The following PCDHGA4 variants were observed in gnomAD, a reference collection of about 807,000 sequenced individuals.
PCDHGA4 encodes protocadherin gamma subfamily A, 4.
A neutral mutation model predicts 54.6 loss-of-function variants in PCDHGA4; 38 were observed. The ratio of observed to expected loss-of-function variants is 0.70; its 90% CI spans 0.54 to 0.91. PCDHGA4 has a LOEUF of 0.91. Among genes scored for constraint, PCDHGA4 ranks in the 40% least tolerant of loss-of-function variants. The pLI is 0.00. For missense variants in PCDHGA4, 1,298 were observed against 1,220.9 expected, an observed-to-expected ratio of 1.06 and a Z score of -0.94; for synonymous variants, 511 against 512.9, an observed-to-expected ratio of 1.00 and a Z score of 0.05.
At chr5:141,442,417 T>A (rs2098323611) in intron 1 of PCDHGA4, 1 of 152,152 alleles carries the variant, frequency 6.6e-6, no homozygotes, top group Non-Finnish European at 1.5e-5. Flanking sequence ...TGAGTGAACT[T>A]CTTTTTTGAA....
intron 1 of PCDHGA4, chr5:141,393,077 C>T (rs2150506328): frequency 6.2e-7 from 1 of 1,613,710 alleles, no homozygotes; most frequent in Non-Finnish European, 8.5e-7. Flanking sequence ...TCACCGCGGG[C>T]AGGATAGATC....
intron 2 of PCDHGA4, among the ~76,000 whole-genome samples, chr5:141,503,682 G>A (rs1430771639): frequency 1.3e-5 from 2 of 151,974 alleles, no homozygotes; most frequent in South Asian, 4.1e-4. Flanking sequence ...CTTTTGGGAA[G>A]GAGAATTGAG....
chr5:141,360,210 C>G (rs748051773), intron 1 of PCDHGA4: 2 of 1,613,122 alleles, frequency 1.2e-6, no homozygotes, highest in East Asian at 2.2e-5. Flanking sequence ...TGTCTTTGTT[C>G]CCCGGGGCTC....
At chr5:141,464,929 G>A (rs1358204606) in intron 1 of PCDHGA4, among the ~76,000 whole-genome samples, 1 of 151,878 alleles carries the variant, frequency 6.6e-6, no homozygotes, top group Non-Finnish European at 1.5e-5. Flanking sequence ...TTGTAGAGAT[G>A]TGAGGTCTCA....
intron 1 of PCDHGA4, among the ~76,000 whole-genome samples, chr5:141,433,653 T>C (rs1030084681): frequency 6.6e-6 from 1 of 152,024 alleles, no homozygotes; most frequent in Non-Finnish European, 1.5e-5. Flanking sequence ...CTGACCAACA[T>C]GGAGAAACCC....
chr5:141,411,184 G>A (rs1478666914), intron 1 of PCDHGA4: 1 of 152,108 alleles, frequency 6.6e-6, no homozygotes, highest in Admixed American at 6.6e-5. Context: ...AGTGGTCTTG[G>A]CATCTAAGAA....
At chr5:141,409,516 C>T (rs1303826331) in intron 1 of PCDHGA4, 6 of 1,614,006 alleles carry the variant, frequency 3.7e-6, no homozygotes, top group South Asian at 1.1e-5. Context: ...GTAGAAGCAT[C>T]ACCTTGTATG....
intron 1 of PCDHGA4, chr5:141,430,691 G>C (rs1479214920): frequency 1.4e-6 from 2 of 1,416,472 alleles, no homozygotes; most frequent in Non-Finnish European, 1.9e-6. Flanking sequence ...CCATTCTATG[G>C]GCGAAGGAAC....
chr5:141,375,971 C>G (rs1412854322), intron 1 of PCDHGA4: 1 of 1,613,374 alleles, frequency 6.2e-7, no homozygotes, highest in Non-Finnish European at 8.5e-7. Context: ...GCGCACGGCG[C>G]GCGCCCTGCT....
rs768074414 is a variant in PCDHGA4 at position 141,477,293 on chromosome 5, C to T, written c.2515-17514C>T. 8.1e-6 allele frequency: 13 copies of T among 1,614,180 alleles called. No homozygotes were observed. The highest frequency in any genetic ancestry group is 1.1e-5 in the Non-Finnish European group (13 of 1,180,036). ...CGGGCTGGTGACCTGCGAAGTTCCA[C>T]CGGGTCTCCCTTTCAGCCTTACTTC... On this transcript the variant is annotated intron_variant, in intron 1 of 3. Coordinates refer to ENST00000571252, the MANE Select transcript of PCDHGA4 (RefSeq NM_018917.4). This position sits in a 1 kb window ranked among gnomAD's most constrained non-coding sequence, Gnocchi z 4.9.
chr5:141,421,895 G>A, intron 1 of PCDHGA4: 1 of 1,613,730 alleles, frequency 6.2e-7, no homozygotes, highest in African/African-American at 1.3e-5. Flanking sequence ...GATCCCATCC[G>A]AAAGGGCGCA....
At chr5:141,365,039 G>A (rs577848371) in intron 1 of PCDHGA4, 12 of 1,613,840 alleles carry the variant, frequency 7.4e-6, no homozygotes, top group Non-Finnish European at 9.3e-6. Flanking sequence ...CGACGCAAAC[G>A]ACAATGCGCC....
At chr5:141,403,740 C>T in intron 1 of PCDHGA4, 1 of 1,613,920 alleles carries the variant, frequency 6.2e-7, no homozygotes, top group Non-Finnish European at 8.5e-7. Flanking sequence ...TGGCTGCTTA[C>T]TGCAACAGCC....
chr5:141,362,401 G>A, intron 1 of PCDHGA4: 2 of 1,614,028 alleles, frequency 1.2e-6, no homozygotes, highest in Middle Eastern at 1.6e-4. Flanking sequence ...CAACCTGTGT[G>A]TTGCCTCACA....
At chr5:141,398,949 C>G in intron 1 of PCDHGA4, 1 of 1,613,948 alleles carries the variant, frequency 6.2e-7, no homozygotes, top group Non-Finnish European at 8.5e-7. Context: ...AGGGCATCAA[C>G]TCAGAAATTA....
intron 1 of PCDHGA4, among the ~76,000 whole-genome samples, chr5:141,447,375 T>C (rs1431576261): frequency 6.6e-6 from 1 of 152,030 alleles, no homozygotes; most frequent in African/African-American, 2.4e-5. Context: ...CTGACCCTGG[T>C]GATCTGCCCA....
Position 141,432,811 on chromosome 5 carries a change from T to G in PCDHGA4, c.2515-61996T>G. Reference sequence around the variant, plus strand: ...GCAGCCTCGAGTCTCCAGCTAACTCTGAAACCTCAGACCTCACTCTGTACC... The same window carrying G: ...GCAGCCTCGAGTCTCCAGCTAACTCGGAAACCTCAGACCTCACTCTGTACC... On this transcript the variant is annotated intron_variant, in intron 1 of 3. Transcript: ENST00000571252. The surrounding 1 kb of genome is among the most constrained non-coding windows in gnomAD (Gnocchi z 6.0). 1 of 1,614,126 alleles carries G rather than the reference T, an allele frequency of 6.2e-7. No homozygotes were observed. Among genetic ancestry groups the G allele is most frequent in the Non-Finnish European group, 8.5e-7 (1 of 1,179,988 alleles).
chr5:141,418,273 A>C, intron 1 of PCDHGA4: 1 of 1,614,082 alleles, frequency 6.2e-7, no homozygotes, highest in South Asian at 1.1e-5. Context: ...AAGATGAAAT[A>C]AACTTAGAAA....
At chr5:141,388,492 A>G (rs2091380241) in intron 1 of PCDHGA4, 7 of 1,613,742 alleles carry the variant, frequency 4.3e-6, no homozygotes, top group South Asian at 1.1e-5. Flanking sequence ...TTGGACAGAG[A>G]AAAGCAGAAA....
Sources: gnomAD v4.1 joint callset for allele counts (sites outside exome capture counted in the v4.1 genomes callset) on GRCh38, gnomAD v4.1.1 for gene constraint, Gnocchi (gnomAD v3.1) non-coding constraint, MANE v1.5 for transcripts, NCBI Gene and HGNC (gene_info 2026-07-23, HGNC 2026-07-21) for gene names.